Variants in WDR70 observed in about 807,000 individuals in gnomAD.
The protein encoded by WDR70 is WD repeat domain 70.
WDR70 carries 53 observed loss-of-function variants against 88.6 expected under a neutral mutation model. The ratio of observed to expected loss-of-function variants is 0.60; its 90% confidence interval spans 0.48 to 0.75. The LOEUF is 0.75. Among genes scored for constraint, WDR70 ranks in the 30% least tolerant of loss-of-function variants. WDR70 has a pLI of 0.00. For synonymous variants in WDR70, 280 were observed against 270.0 expected, an observed-to-expected ratio of 1.04 and a Z score of -0.36; for missense variants, 610 against 823.2, an observed-to-expected ratio of 0.74 and a Z score of 3.17.
At chr5:37,505,709 G>A (rs1216254583) in intron 8 of WDR70, 5 of 1,033,536 alleles carry the variant, frequency 4.8e-6, no homozygotes, top group Non-Finnish European at 7.7e-6. Flanking sequence ...TTTGCGACAT[G>A]TATAGTGGTG....
At chr5:37,596,196 A>C (rs1290122438) in intron 9 of WDR70, among the ~76,000 whole-genome samples, 2 of 152,186 alleles carry the variant, frequency 1.3e-5, no homozygotes, top group South Asian at 2.1e-4. Context: ...ATGTAGGCTC[A>C]AGAAAGGGCT....
intron 17 of WDR70, among the ~76,000 whole-genome samples, chr5:37,750,259 C>T (rs1222020818): frequency 1.3e-5 from 2 of 152,100 alleles, no homozygotes; most frequent in East Asian, 3.9e-4. Context: ...CTTGGCTGGG[C>T]GTGGTGACTC....
intron 7 of WDR70, among the ~76,000 whole-genome samples, chr5:37,479,283 A>G (rs1390625246): frequency 3.3e-5 from 5 of 151,984 alleles, no homozygotes; most frequent in African/African-American, 1.2e-4. Flanking sequence ...TAAGGTAATT[A>G]GAGAGAGTTT....
chr5:37,417,912 A>G (rs1749811831), intron 5 of WDR70, among the ~76,000 whole-genome samples: 1 of 152,230 alleles, frequency 6.6e-6, no homozygotes, highest in Non-Finnish European at 1.5e-5. Context: ...TTTAGTGTAT[A>G]CATAGCAAAT....
chr5:37,548,561 G>C (rs1360389695), intron 9 of WDR70, among the ~76,000 whole-genome samples: 1 of 152,120 alleles, frequency 6.6e-6, no homozygotes, highest in Non-Finnish European at 1.5e-5. Flanking sequence ...CAGATGGGTA[G>C]TTTGCAAGTA....
intron 9 of WDR70, among the ~76,000 whole-genome samples, chr5:37,569,406 G>A (rs568259492): frequency 6.6e-6 from 1 of 152,242 alleles, no homozygotes; most frequent in South Asian, 2.1e-4. Flanking sequence ...TTCTATGGTT[G>A]TTTGCTACCC....
intron 9 of WDR70, among the ~76,000 whole-genome samples, chr5:37,582,528 C>T (rs1385656382): frequency 6.6e-6 from 1 of 152,234 alleles, no homozygotes; most frequent in Non-Finnish European, 1.5e-5. Context: ...GTATGCTTTG[C>T]AACCAGGTTG....
chr5:37,431,404 A>G (rs1418937719), intron 5 of WDR70, among the ~76,000 whole-genome samples: 1 of 150,704 alleles, frequency 6.6e-6, no homozygotes, highest in Non-Finnish European at 1.5e-5. Context: ...TTCCATTCCC[A>G]CTGTATTATG....
In WDR70 at chr5:37,626,026, A is replaced by C. The variant is rs1232126235; in HGVS notation, c.1092+20788A>C. Among the ~76,000 whole-genome samples the C allele has an allele frequency of 3.4e-5, 5 of 148,812 alleles. 1 individual carries two copies. The highest frequency in any genetic ancestry group is 1.3e-4 in the African/African-American group (5 of 39,838). On this transcript the variant is annotated intron_variant, in intron 10 of 17. Coordinates refer to ENST00000265107, the MANE Select transcript of WDR70 (RefSeq NM_018034.4). Reference sequence around the variant, plus strand: ...AGAGTTTTTTTTTTTTTTTGTAGTAAAGTCGGTATGTTTTTCCATATATAA... The same window carrying C: ...AGAGTTTTTTTTTTTTTTTGTAGTACAGTCGGTATGTTTTTCCATATATAA...
intron 9 of WDR70, among the ~76,000 whole-genome samples, chr5:37,528,876 GAAGTCTTTGCCT>G (rs1741390616): frequency 1.4e-5 from 2 of 145,900 alleles, no homozygotes; most frequent in Non-Finnish European, 3.0e-5. Flanking sequence ...TCTTGGTCAT[GAAGTCTTTGCCT>G]AAGCCAATGT....
At chr5:37,527,620 A>C (rs1040781305) in intron 9 of WDR70, among the ~76,000 whole-genome samples, 2 of 152,218 alleles carry the variant, frequency 1.3e-5, no homozygotes, top group Non-Finnish European at 2.9e-5. Context: ...ATGAAAGCCA[A>C]AATTAACAAA....
chr5:37,699,026 A>G (rs1341421737), intron 11 of WDR70, among the ~76,000 whole-genome samples: 2 of 152,122 alleles, frequency 1.3e-5, no homozygotes, highest in Non-Finnish European at 2.9e-5. Flanking sequence ...AATGGTTCTC[A>G]TCCCAGTAGT....
intron 10 of WDR70, among the ~76,000 whole-genome samples, chr5:37,663,279 C>T (rs926516751): frequency 6.6e-6 from 1 of 152,098 alleles, no homozygotes; most frequent in Non-Finnish European, 1.5e-5. Context: ...AAATTTAAAC[C>T]AGTTAACTCC....
chr5:37,615,262 A>G lies in WDR70; in HGVS notation c.1092+10024A>G, dbSNP rs1314971843. ...GAGAGGGAGGTTGGAATTAGGTAAG[A>G]AAGAGTTACTAAAAATAAAGAGGTC... On this transcript the variant is annotated intron_variant, in intron 10 of 17. Transcript: ENST00000265107. Among the ~76,000 whole-genome samples the G allele has an allele frequency of 2.6e-5, 4 of 152,104 alleles. No homozygotes were observed. In the East Asian group the frequency reaches 7.7e-4, roughly 29 times the overall value.
chr5:37,553,775 A>G (rs1742214024), intron 9 of WDR70, among the ~76,000 whole-genome samples: 1 of 152,186 alleles, frequency 6.6e-6, no homozygotes, highest in Non-Finnish European at 1.5e-5. Flanking sequence ...CAGAATATCT[A>G]GGTTTGAATC....
intron 10 of WDR70, among the ~76,000 whole-genome samples, chr5:37,629,713 T>C: frequency 6.6e-6 from 1 of 152,222 alleles, no homozygotes; most frequent in East Asian, 1.9e-4. Context: ...TTATCTGTAT[T>C]CTCTTGTATC....
intron 9 of WDR70, among the ~76,000 whole-genome samples, chr5:37,533,457 TCACCAC>T (rs35578229): frequency 0.035 from 4,998 of 141,242 alleles, 317 homozygotes; most frequent in African/African-American, 0.13. Flanking sequence ...AACAAAACAA[TCACCAC>T]CACCACCACC....
chr5:37,382,285 A>C (rs1748451679), intron 3 of WDR70, among the ~76,000 whole-genome samples: 2 of 150,272 alleles, frequency 1.3e-5, no homozygotes, highest in Non-Finnish European at 3.0e-5. Flanking sequence ...TTTTTAGTAG[A>C]GATGGGGTTT....
chr5:37,629,620 T>G (rs1343172678), intron 10 of WDR70, among the ~76,000 whole-genome samples: 2 of 152,210 alleles, frequency 1.3e-5, no homozygotes, highest in Non-Finnish European at 2.9e-5. Context: ...GGATTTCTTT[T>G]TGGTTCTTTT....
Sources: allele counts gnomAD v4.1 joint callset (sites outside exome capture counted in the v4.1 genomes callset), GRCh38; gene constraint gnomAD v4.1.1; transcripts MANE v1.5; gene names NCBI Gene and HGNC (gene_info 2026-07-23, HGNC 2026-07-21).